Variants in FBXO41 observed in about 807,000 individuals in gnomAD.
FBXO41 encodes the protein F-box only protein 41.
Under a neutral mutation model 81.6 loss-of-function variants are expected in FBXO41, and 33 were observed. The observed-to-expected ratio is 0.40, with a 90% CI of 0.31 to 0.54. The LOEUF (loss-of-function observed/expected upper bound fraction) is 0.54, where lower values mean the gene tolerates loss of function less well. FBXO41 is among the 20% of genes least tolerant of loss of function. The pLI is 0.39. For missense variants in FBXO41, 1,107 were observed against 1,236.0 expected (o/e 0.90, Z 1.56); for synonymous variants, 576 against 552.7 (o/e 1.04, Z -0.59).
Position 73,258,951 on chromosome 2 carries a change from C to G in FBXO41, c.*31G>C. 1.3e-6 allele frequency: 2 copies of G among 1,551,214 alleles called. No individual in the cohort carries two copies. Among genetic ancestry groups the G allele is most frequent in the East Asian group, 4.8e-5 (2 of 41,276 alleles). On this transcript the variant is annotated 3_prime_UTR_variant, in exon 13 of 13. Transcript: ENST00000520530. ...CCAAAGAGAGTGCCCTGGTGTGGGG[C>G]TGGCAGGGGCCCTGCCGCCCCCTAC...
intron 1 of FBXO41, among the ~76,000 whole-genome samples, chr2:73,276,349 G>C (rs1047303854): frequency 2.0e-5 from 3 of 151,646 alleles, no homozygotes; most frequent in African/African-American, 7.3e-5. Context: ...GGTGGAGGTT[G>C]CAATGAGCCA....
chr2:73,284,004 G>A lies in FBXO41; in HGVS notation c.-139+156C>T, dbSNP rs1034589510. On this transcript the variant is annotated intron_variant, in intron 1 of 12. Transcript: ENST00000520530. This position sits in a 1 kb window ranked among gnomAD's most constrained non-coding sequence, Gnocchi z 7.4. ...TTAAATTAACCCCTTCCCTGCCTCT[G>A]GTCTGGCCTGCCCAGAATCCCTCCC... The A allele has an allele frequency of 6.6e-6, 1 of 152,306 alleles. No individual in the cohort carries two copies. Among genetic ancestry groups the A allele is most frequent in the African/African-American group, 2.4e-5 (1 of 41,454 alleles). 9.4% of individuals were successfully genotyped at this position (152,306 alleles called of 1,614,324 possible). A position where few individuals can be genotyped will look rare whatever the true frequency, so the allele number is the denominator to read the frequency against.
In FBXO41 at chr2:73,266,779, G is replaced by A. The variant is rs1688296277; in HGVS notation, c.906-97C>T. ...GCCAGTGCGGGGAGACACTGGCACA[G>A]CTGCCTGCGGTGTCTGCTTATGGTC... On this transcript the variant is annotated intron_variant, in intron 2 of 12. Transcript: ENST00000520530. The surrounding 1 kb of genome is among the most constrained non-coding windows in gnomAD (Gnocchi z 5.3). 7.0e-7 allele frequency: 1 copy of A among 1,429,594 alleles called. No individual in the cohort carries two copies. Among genetic ancestry groups the A allele is most frequent in the African/African-American group, 1.5e-5 (1 of 68,476 alleles). 88.6% of individuals were successfully genotyped at this position (1,429,594 alleles called of 1,614,324 possible).
intron 1 of FBXO41, among the ~76,000 whole-genome samples, chr2:73,276,011 C>T (rs933831225): frequency 6.6e-6 from 1 of 151,388 alleles, no homozygotes; most frequent in East Asian, 2.0e-4. Flanking sequence ...GTCTTGAACT[C>T]TTGACCTCAG....
chr2:73,265,625 C>G lies in FBXO41; in HGVS notation c.1221G>C (p.Val407=). Residue 407 remains valine (V), a synonymous_variant, in exon 5 of 13, where the codon GTG becomes GTC. Coordinates refer to ENST00000520530, the MANE Select transcript of FBXO41 (RefSeq NM_001371389.2). ...AGCCTGAGCTCTGGGATGCGGCTGG[C>G]ACACGGCTGGAGGCCCTGGGGCAGG... ...SSPSTGASSR[V]PAASQSSGCY... 1 of 1,516,100 alleles carries G rather than the reference C, an allele frequency of 6.6e-7. No individual in the cohort carries two copies. Among genetic ancestry groups the G allele is most frequent in the Non-Finnish European group, 8.8e-7 (1 of 1,133,070 alleles). 93.9% of individuals were successfully genotyped at this position (1,516,100 alleles called of 1,614,324 possible).
At chr2:73,262,080 G>C (rs1037085871) in intron 9 of FBXO41, among the ~76,000 whole-genome samples, 1 of 152,148 alleles carries the variant, frequency 6.6e-6, no homozygotes, top group African/African-American at 2.4e-5. Context: ...AAAATTAGCT[G>C]GGCATGGTGG....
intron 1 of FBXO41, among the ~76,000 whole-genome samples, chr2:73,276,552 A>G (rs1688685096): frequency 7.1e-6 from 1 of 141,494 alleles, no homozygotes; most frequent in Non-Finnish European, 1.5e-5. Context: ...CTCTCTGGCA[A>G]ATCTATTCAG....
chr2:73,267,234 G>C (rs1209349230), intron 2 of FBXO41, among the ~76,000 whole-genome samples: 1 of 152,176 alleles, frequency 6.6e-6, no homozygotes. Flanking sequence ...TGTTTGTGTA[G>C]TCACATCATG....
Position 73,269,447 on chromosome 2 carries a change from A to C in FBXO41, c.184T>G (p.Ser62Ala). Reference protein sequence around the residue: ...AAAAAAAAAASGFPLAPEPAA... With the variant: ...AAAAAAAAAAAGFPLAPEPAA... ...GGCTCGGGAGCCAGCGGGAACCCCG[A>C]GGCAGCGGCGGCGGCGGCCGCGGCG... The change falls in exon 2 of 13, where the codon TCG (serine) becomes GCG (alanine). Residue 62 changes from serine to alanine, a missense_variant. By Grantham distance (99) the Ser-to-Ala change is moderately conservative. Transcript: ENST00000520530. The surrounding 1 kb of genome is among the most constrained non-coding windows in gnomAD (Gnocchi z 7.0). 1 of 1,308,546 alleles carries C rather than the reference A, an allele frequency of 7.6e-7. No homozygotes were observed. The highest frequency in any genetic ancestry group is 9.7e-7 in the Non-Finnish European group (1 of 1,032,504). The allele number at this position is 1,308,546 out of a possible 1,614,324, so 81.1% of individuals were successfully genotyped here.
rs575827427 is a variant in FBXO41 at position 73,265,783 on chromosome 2, C to A, written c.1205+110G>T. Reference sequence around the variant, plus strand: ...CTCTGGGTGTGGAAAGGCAGACATACGTGACCCAGGGAGGGTAGGGGCAGG... The same window carrying A: ...CTCTGGGTGTGGAAAGGCAGACATAAGTGACCCAGGGAGGGTAGGGGCAGG... On this transcript the variant is annotated intron_variant, in intron 4 of 12. Coordinates refer to ENST00000520530, the MANE Select transcript of FBXO41 (RefSeq NM_001371389.2). 3.4e-5 allele frequency: 49 copies of A among 1,446,958 alleles called. 1 individual carries two copies. The Admixed American group carries it at 1.1e-3, about 32-fold the overall frequency. 89.6% of individuals were successfully genotyped at this position (1,446,958 alleles called of 1,614,324 possible).
intron 1 of FBXO41, among the ~76,000 whole-genome samples, chr2:73,275,528 G>A (rs1688660117): frequency 6.6e-6 from 1 of 152,108 alleles, no homozygotes; most frequent in South Asian, 2.1e-4. Context: ...TGTGCATGGT[G>A]TGATAGGAAT....
chr2:73,259,195 C>T lies in FBXO41; in HGVS notation c.2551G>A (p.Val851Met), dbSNP rs1687921170. 2.5e-6 allele frequency: 4 copies of T among 1,614,028 alleles called. No individual in the cohort carries two copies. The highest frequency in any genetic ancestry group is 3.4e-6 in the Non-Finnish European group (4 of 1,179,888). Residue 851 changes from valine to methionine, a missense_variant, in exon 12 of 13, where the codon GTG becomes ATG. Around this residue, in one of 2 missense-constraint regions of FBXO41, gnomAD observed 336 missense variants for 446.7 expected, o/e 0.75. Coordinates refer to ENST00000520530, the MANE Select transcript of FBXO41 (RefSeq NM_001371389.2). The surrounding 1 kb of genome is among the most constrained non-coding windows in gnomAD (Gnocchi z 4.2). ...PEAQKLFEDM[V>M]TKLQALRRRP... is the part of the protein sequence containing the mutation. ...TGACCCCTCACCTGGAGTTTTGTCA[C>T]CATGTCCTCAAACAGCTTCTGGGCC... is the stretch of plus-strand genomic sequence containing the variant.
In FBXO41 at chr2:73,269,112, A is replaced by T; in HGVS notation, c.519T>A (p.Pro173=). Reference sequence around the variant, plus strand: ...CGGGGCAAGGGCCGGGGCCGGGGCCAGGCGGCGGCGTCGAGCACGCCGAGG... The same window carrying T: ...CGGGGCAAGGGCCGGGGCCGGGGCCTGGCGGCGGCGTCGAGCACGCCGAGG... ...VASSACSTPP[P]GPGPGPCPGP... The change falls in exon 2 of 13, where the codon CCT becomes CCA. Residue 173 remains proline, a synonymous_variant. Transcript: ENST00000520530. The surrounding 1 kb of genome is among the most constrained non-coding windows in gnomAD (Gnocchi z 7.0). 6.6e-7 allele frequency: 1 copy of T among 1,509,072 alleles called. No homozygotes were observed. Among genetic ancestry groups the T allele is most frequent in the Non-Finnish European group, 8.8e-7 (1 of 1,136,722 alleles). 93.5% of individuals were successfully genotyped at this position (1,509,072 alleles called of 1,614,324 possible).
rs34363861 is a variant in FBXO41 at position 73,263,284 on chromosome 2, A to G, written c.2100T>C (p.His700=). ...CTGCGCCCAGGGCCCAAATGACCTC[A>G]TGGCCCACGGGGTCTGTGGCACTCC... ...TYRSATDPVG[H]EVIWALGAGC... Residue 700 remains histidine, a synonymous_variant, in exon 9 of 13, where the codon CAT becomes CAC. Coordinates refer to ENST00000520530, the MANE Select transcript of FBXO41 (RefSeq NM_001371389.2). The G allele has an allele frequency of 0.48, 748,725 of 1,545,454 alleles. 187,029 individuals are homozygous for G. Among genetic ancestry groups the G allele is most frequent in the African/African-American group, 0.8 (58,485 of 72,728 alleles).
Position 73,263,244 on chromosome 2 carries a change from C to G in FBXO41, c.2140G>C (p.Val714Leu). ...TGAAGTGGTGCCACTTGGAGGGAGA[C>G]GATCTCTCTGCAGCCTGCGCCCAGG... ...WALGAGCREI[V>L]SLQVAPLHPC... Residue 714 changes from valine (V) to leucine (L), a missense_variant, in exon 9 of 13, where the codon GTC (valine) becomes CTC (leucine). This residue lies in a region of FBXO41 where 336 missense variants were observed against 446.7 expected (regional missense o/e 0.75). Coordinates refer to ENST00000520530, the MANE Select transcript of FBXO41 (RefSeq NM_001371389.2). 6.4e-7 allele frequency: 1 copy of G among 1,557,396 alleles called. No homozygotes were observed. Among genetic ancestry groups the G allele is most frequent in the Non-Finnish European group, 8.7e-7 (1 of 1,150,324 alleles).
intron 9 of FBXO41, among the ~76,000 whole-genome samples, chr2:73,261,730 C>G (rs545960311): frequency 6.6e-6 from 1 of 152,340 alleles, no homozygotes; most frequent in South Asian, 2.1e-4. Flanking sequence ...CAAGGCCCTT[C>G]CTGATTGCCC....
Position 73,260,793 on chromosome 2 carries a change from C to A in FBXO41, c.2237G>T (p.Arg746Leu), listed in dbSNP as rs868335347. Residue 746 changes from arginine (R) to leucine (L), a missense_variant, in exon 10 of 13, where the codon CGG (arginine) becomes CTG (leucine). Arg to Leu is a moderately radical substitution (Grantham distance 102). Transcript: ENST00000520530. This position sits in a 1 kb window ranked among gnomAD's most constrained non-coding sequence, Gnocchi z 5.0. ...QMIGRCWPHL[R>L]ALGVGGAGCG... ...GCCGGCACCCCCGACCCCCAGGGCC[C>A]GCAGGTGGGGCCAACAGCGACCAAT... The A allele has an allele frequency of 7.0e-6, 11 of 1,567,112 alleles. No homozygotes were observed. The highest frequency in any genetic ancestry group is 9.5e-6 in the Non-Finnish European group (11 of 1,154,724).
chr2:73,280,293 C>A (rs1293338039), intron 1 of FBXO41, among the ~76,000 whole-genome samples: 1 of 152,340 alleles, frequency 6.6e-6, no homozygotes, highest in East Asian at 1.9e-4. Context: ...CTATCTGGAC[C>A]ACTGATATTG....
At chr2:73,268,612 C>T in intron 2 of FBXO41, 114 bp downstream of exon 2, 1 of 1,063,596 alleles carries the variant, frequency 9.4e-7, no homozygotes, top group Non-Finnish European at 1.3e-6. Context: ...CACGGATCCT[C>T]TATTACAAAG....
Sources: allele counts gnomAD v4.1 joint callset (sites outside exome capture counted in the v4.1 genomes callset), GRCh38; gene constraint gnomAD v4.1.1; regional missense constraint gnomAD v4.1.1; non-coding constraint Gnocchi (gnomAD v3.1); transcripts MANE v1.5; gene names NCBI Gene and HGNC (gene_info 2026-07-23, HGNC 2026-07-21).